The following LUZP2 variants were observed in gnomAD, a reference collection of about 807,000 sequenced individuals.
LUZP2 encodes leucine zipper protein 2.
In LUZP2, 52 loss-of-function variants were observed where a neutral mutation model predicts 51.6. The ratio of observed to expected loss-of-function variants is 1.01; its 90% CI spans 0.81 to 1.27. LUZP2 has a LOEUF of 1.27. Among genes scored for constraint, LUZP2 ranks in the 50% most tolerant of loss-of-function variants. The pLI is 0.00. For synonymous variants in LUZP2, 154 were observed against 137.3 expected, an observed-to-expected ratio of 1.12 and a Z score of -0.85; for missense variants, 436 against 395.4, an observed-to-expected ratio of 1.10 and a Z score of -0.87.
intron 5 of LUZP2, among the ~76,000 whole-genome samples, chr11:24,770,128 C>T (rs1345025685): frequency 2.0e-5 from 3 of 152,148 alleles, no homozygotes; most frequent in African/African-American, 7.2e-5. Flanking sequence ...TATTCTTTCA[C>T]TTTCAAAACA....
At chr11:24,839,025 A>T (rs1018545009) in intron 5 of LUZP2, among the ~76,000 whole-genome samples, 12 of 151,636 alleles carry the variant, frequency 7.9e-5, no homozygotes, top group African/African-American at 2.9e-4. Context: ...TATTCTAATA[A>T]CAGCCATATG....
intron 1 of LUZP2, among the ~76,000 whole-genome samples, chr11:24,598,308 G>A (rs1446465671): frequency 2.0e-5 from 3 of 151,900 alleles, no homozygotes; most frequent in Admixed American, 6.6e-5. Flanking sequence ...CAATCAAAAT[G>A]TTTTTTGTAC....
At chr11:24,551,738 T>C (rs897841722) in intron 1 of LUZP2, among the ~76,000 whole-genome samples, 2 of 151,982 alleles carry the variant, frequency 1.3e-5, no homozygotes, top group Admixed American at 1.3e-4. Context: ...AATAAAGGTA[T>C]GGAAGAATAA....
intron 1 of LUZP2, among the ~76,000 whole-genome samples, chr11:24,697,926 G>C (rs926809490): frequency 6.6e-6 from 1 of 152,066 alleles, no homozygotes; most frequent in Non-Finnish European, 1.5e-5. Flanking sequence ...TGATTCAGCT[G>C]GTCCTGTGAC....
chr11:24,792,971 G>T (rs758118999), intron 5 of LUZP2, among the ~76,000 whole-genome samples: 1 of 152,134 alleles, frequency 6.6e-6, no homozygotes, highest in African/African-American at 2.4e-5. Context: ...TTCCTGGAAG[G>T]CTGATTTATT....
At chr11:24,651,829 G>A (rs1565053981) in intron 1 of LUZP2, among the ~76,000 whole-genome samples, 1 of 152,130 alleles carries the variant, frequency 6.6e-6, no homozygotes, top group African/African-American at 2.4e-5. Flanking sequence ...CTGAGGAAGA[G>A]GAAATTCTGC....
rs57668112 is a variant in LUZP2 at position 25,040,343 on chromosome 11, A to ATTTTTTTTTTTTTTTTTTTTTTT, written c.766-9675_766-9674insTTTTTTTTTTTTTTTTTTTTTTT. 2.1e-4 allele frequency among the ~76,000 whole-genome samples: 21 copies of ATTTTTTTTTTTTTTTTTTTTTTT among 98,824 alleles called. 7 individuals are homozygous for ATTTTTTTTTTTTTTTTTTTTTTT. The highest frequency in any genetic ancestry group is 1.1e-3 in the African/African-American group (19 of 17,198). The allele number at this position is 98,824 out of a possible 152,430, so 64.8% of individuals were successfully genotyped here. On this transcript the variant is annotated intron_variant, in intron 9 of 11. Coordinates refer to ENST00000336930, the MANE Select transcript of LUZP2 (RefSeq NM_001009909.4). The stretch of plus-strand genomic sequence containing the variant: ...AGAGAGCCACTTTTCTTTCTTTCCG[A>ATTTTTTTTTTTTTTTTTTTTTTT]TTTTTTTTTTTTTTTTTTTTGCCAA...
At chr11:24,648,875 G>T (rs980904306) in intron 1 of LUZP2, among the ~76,000 whole-genome samples, 1 of 151,910 alleles carries the variant, frequency 6.6e-6, no homozygotes, top group African/African-American at 2.4e-5. Context: ...GGCAAAACCC[G>T]CAATTACTTT....
chr11:24,586,226 C>G (rs1368738625), intron 1 of LUZP2, among the ~76,000 whole-genome samples: 1 of 152,086 alleles, frequency 6.6e-6, no homozygotes, highest in African/African-American at 2.4e-5. Flanking sequence ...AACAAAGAAT[C>G]TAAATTTTTC....
At chr11:24,535,051 A>C (rs1390340236) in intron 1 of LUZP2, among the ~76,000 whole-genome samples, 2 of 151,410 alleles carry the variant, frequency 1.3e-5, no homozygotes, top group Non-Finnish European at 3.0e-5. Context: ...TATAGAAGTT[A>C]TATTAATGCT....
intron 10 of LUZP2, among the ~76,000 whole-genome samples, chr11:25,068,864 C>G (rs759090204): frequency 1.3e-5 from 2 of 152,092 alleles, no homozygotes; most frequent in East Asian, 3.9e-4. Flanking sequence ...ATGCATCCCC[C>G]TCACTTACAG....
chr11:24,576,412 C>CAAAAA (rs10549188), intron 1 of LUZP2, among the ~76,000 whole-genome samples: 3 of 75,184 alleles, frequency 4.0e-5, no homozygotes, highest in Admixed American at 1.9e-4. Context: ...GACTCCATCT[C>CAAAAA]AAAAAAAAAA....
In LUZP2 at chr11:24,754,681, G is replaced by C. The variant is rs1468740214; in HGVS notation, c.334-8565G>C. ...GTGCTCCACTTGGCATTTATAGGTGGAGTCTGACAGTCCCACTTCAGAACT... is the reference window on the plus strand; with the variant it reads ...GTGCTCCACTTGGCATTTATAGGTGCAGTCTGACAGTCCCACTTCAGAACT... On this transcript the variant is annotated intron_variant, in intron 4 of 11. Coordinates refer to ENST00000336930, the MANE Select transcript of LUZP2 (RefSeq NM_001009909.4). Among the ~76,000 whole-genome samples the C allele has an allele frequency of 2.6e-5, 4 of 152,166 alleles. No homozygotes were observed. In the East Asian group the frequency reaches 7.7e-4, roughly 29 times the overall value.
At chr11:24,764,266 A>C (rs1860096597) in intron 5 of LUZP2, among the ~76,000 whole-genome samples, 1 of 152,120 alleles carries the variant, frequency 6.6e-6, no homozygotes, top group South Asian at 2.1e-4. Flanking sequence ...AGAGAATTTC[A>C]ACTTTATTTT....
intron 7 of LUZP2, among the ~76,000 whole-genome samples, chr11:24,918,725 C>G (rs1173291325): frequency 6.6e-6 from 1 of 151,044 alleles, no homozygotes; most frequent in African/African-American, 2.4e-5. Context: ...AAAATCCCGT[C>G]ACCAGAGCAA....
intron 1 of LUZP2, among the ~76,000 whole-genome samples, chr11:24,599,520 C>T (rs1367004012): frequency 6.6e-6 from 1 of 152,144 alleles, no homozygotes; most frequent in Admixed American, 6.6e-5. Context: ...ATTTCCTAGT[C>T]ATTGTTCTGC....
intron 7 of LUZP2, among the ~76,000 whole-genome samples, chr11:24,957,705 C>G (rs1294037294): frequency 6.6e-6 from 1 of 152,050 alleles, no homozygotes; most frequent in Non-Finnish European, 1.5e-5. Context: ...ATAATATTTC[C>G]TTGTTTATAT....
intron 8 of LUZP2, among the ~76,000 whole-genome samples, chr11:24,978,119 T>C (rs558308146): frequency 6.4e-4 from 97 of 151,672 alleles, no homozygotes; most frequent in Non-Finnish European, 9.7e-4. Flanking sequence ...GTTATTTTAG[T>C]ATAAAATAGA....
chr11:25,051,326 A>G (rs1481036336), intron 10 of LUZP2, among the ~76,000 whole-genome samples: 4 of 147,076 alleles, frequency 2.7e-5, no homozygotes, highest in African/African-American at 1.0e-4. Flanking sequence ...CAAAAAAAAT[A>G]AAAAAGAAAA....
Sources: allele counts gnomAD v4.1 joint callset (sites outside exome capture counted in the v4.1 genomes callset), GRCh38; gene constraint gnomAD v4.1.1; transcripts MANE v1.5; gene names NCBI Gene and HGNC (gene_info 2026-07-23, HGNC 2026-07-21).